KAZN: variants seen among roughly 807,000 people sequenced by gnomAD.
KAZN encodes the protein kazrin.
Under a neutral mutation model 87.4 loss-of-function variants are expected in KAZN, and 40 were observed. That is an observed-to-expected ratio of 0.46 (90% CI 0.36 to 0.60). KAZN has a LOEUF of 0.60. KAZN is among the 20% of genes least tolerant of loss of function. KAZN has a pLI of 0.00. For missense variants in KAZN, 898 were observed against 1,073.9 expected, an observed-to-expected ratio of 0.84 and a Z score of 2.29; for synonymous variants, 466 against 458.3, an observed-to-expected ratio of 1.02 and a Z score of -0.22.
At chr1:14,581,830 T>G (rs1024577380) in intron 2 of KAZN, among the ~76,000 whole-genome samples, 9 of 152,188 alleles carry the variant, frequency 5.9e-5, no homozygotes, top group African/African-American at 2.2e-4. Context: ...CAATGTCACC[T>G]TACTGGATAA....
chr1:15,028,930 C>T (rs1017514963), intron 2 of KAZN, among the ~76,000 whole-genome samples: 2 of 152,212 alleles, frequency 1.3e-5, no homozygotes, highest in African/African-American at 4.8e-5. Context: ...TTGTTATTCT[C>T]CTGCTGTAAG....
chr1:14,781,389 T>C (rs1261788147), intron 1 of KAZN, among the ~76,000 whole-genome samples: 1 of 152,208 alleles, frequency 6.6e-6, no homozygotes, highest in African/African-American at 2.4e-5. Flanking sequence ...CATATCCCCA[T>C]TTAAAAATGT....
intron 1 of KAZN, among the ~76,000 whole-genome samples, chr1:14,860,886 A>C (rs777749820): frequency 2.6e-5 from 4 of 152,176 alleles, no homozygotes; most frequent in Non-Finnish European, 4.4e-5. Context: ...ATCTGTCTGC[A>C]TTTTTGGCAC....
At chr1:14,689,492 C>A (rs1641161216) in intron 1 of KAZN, among the ~76,000 whole-genome samples, 1 of 152,162 alleles carries the variant, frequency 6.6e-6, no homozygotes, top group African/African-American at 2.4e-5. Flanking sequence ...CTTTGGAACA[C>A]CTGTGTTTAT....
At chr1:14,191,522 G>A (rs891140330) in intron 2 of KAZN, among the ~76,000 whole-genome samples, 6 of 152,110 alleles carry the variant, frequency 3.9e-5, no homozygotes, top group Non-Finnish European at 8.8e-5. Context: ...AGTTGTCTAA[G>A]AGACAGTCTT....
chr1:14,199,315 C>T (rs776315819), intron 2 of KAZN, among the ~76,000 whole-genome samples: 8 of 152,164 alleles, frequency 5.3e-5, no homozygotes, highest in South Asian at 2.1e-4. Context: ...TGGGACTCTC[C>T]GATCTCCCAC....
At chr1:14,153,177 C>A (rs1196944086) in intron 1 of KAZN, among the ~76,000 whole-genome samples, 1 of 152,070 alleles carries the variant, frequency 6.6e-6, no homozygotes, top group Non-Finnish European at 1.5e-5. Context: ...GTTTCCTTTG[C>A]CGTGCAGAAG....
At chr1:14,483,336 G>A (rs1269099575) in intron 2 of KAZN, among the ~76,000 whole-genome samples, 5 of 152,120 alleles carry the variant, frequency 3.3e-5, no homozygotes, top group African/African-American at 1.2e-4. Context: ...TCAGAGGGGA[G>A]CAAAAACATC....
chr1:14,222,568 T>A (rs1647129545), intron 2 of KAZN, among the ~76,000 whole-genome samples: 1 of 152,172 alleles, frequency 6.6e-6, no homozygotes, highest in African/African-American at 2.4e-5. Flanking sequence ...GCCTAAACAT[T>A]TTTAGAAACT....
At chr1:14,955,311 C>T (rs1445874684) in intron 1 of KAZN, among the ~76,000 whole-genome samples, 2 of 152,226 alleles carry the variant, frequency 1.3e-5, no homozygotes, top group Non-Finnish European at 2.9e-5. Flanking sequence ...TTATTTATTC[C>T]CATCTCCCCC....
At chr1:14,369,666 G>A (rs1660308755) in intron 2 of KAZN, among the ~76,000 whole-genome samples, 2 of 139,132 alleles carry the variant, frequency 1.4e-5, no homozygotes, top group South Asian at 4.5e-4. Context: ...CATCTCTCGA[G>A]GAAGGTATTT....
intron 1 of KAZN, among the ~76,000 whole-genome samples, chr1:14,855,691 C>T (rs1352681674): frequency 6.6e-6 from 1 of 152,192 alleles, no homozygotes; most frequent in Non-Finnish European, 1.5e-5. Flanking sequence ...TGAACTGCTC[C>T]TATGTGCTGG....
chr1:14,542,987 T>C (rs530249902), intron 2 of KAZN, among the ~76,000 whole-genome samples: 47 of 138,068 alleles, frequency 3.4e-4, no homozygotes, highest in East Asian at 1.3e-3. Flanking sequence ...GAAAATAGCA[T>C]TGGGTTGGGG....
intron 2 of KAZN, among the ~76,000 whole-genome samples, chr1:14,189,051 T>G (rs1570971781): frequency 6.6e-6 from 1 of 152,150 alleles, no homozygotes; most frequent in Admixed American, 6.5e-5. Flanking sequence ...GTGTCGTCAT[T>G]TAAATCTGAC....
intron 2 of KAZN, among the ~76,000 whole-genome samples, chr1:14,296,197 C>T (rs559593904): frequency 1.3e-5 from 2 of 152,334 alleles, no homozygotes; most frequent in South Asian, 4.1e-4. Flanking sequence ...ATGGTAGCTG[C>T]TACTACTGTT....
At chr1:14,417,011 T>TACACACACACACACACACAC (rs58667891) in intron 2 of KAZN, among the ~76,000 whole-genome samples, 1 of 145,518 alleles carries the variant, frequency 6.9e-6, no homozygotes, top group Admixed American at 6.9e-5. Flanking sequence ...TATATATATG[T>TACACACACACACACACACAC]ACACACACAC....
chr1:14,988,318 C>T (rs1235200745), intron 2 of KAZN, among the ~76,000 whole-genome samples: 2 of 152,340 alleles, frequency 1.3e-5, no homozygotes, highest in Admixed American at 6.5e-5. Flanking sequence ...CCCTCCCCTG[C>T]GGGCAGCTGG....
intron 2 of KAZN, among the ~76,000 whole-genome samples, chr1:14,191,652 C>A (rs1646421814): frequency 1.3e-5 from 2 of 152,230 alleles, no homozygotes; most frequent in Admixed American, 1.3e-4. Context: ...CAGCAGACAT[C>A]AGCAAACCCT....
intron 1 of KAZN, among the ~76,000 whole-genome samples, chr1:14,111,772 C>T (rs1644504347): frequency 6.9e-6 from 1 of 144,872 alleles, no homozygotes; most frequent in African/African-American, 2.6e-5. Flanking sequence ...TGGAGTCTCG[C>T]TCTGTCGCCC....
Sources: allele counts gnomAD v4.1 joint callset (sites outside exome capture counted in the v4.1 genomes callset), GRCh38; gene constraint gnomAD v4.1.1; transcripts MANE v1.5; gene names NCBI Gene and HGNC (gene_info 2026-07-23, HGNC 2026-07-21).